Variants in CDK18 observed in about 807,000 individuals in gnomAD.
CDK18 encodes cyclin-dependent kinase 18.
A neutral mutation model predicts 62.0 loss-of-function variants in CDK18; 52 were observed. The ratio of observed to expected loss-of-function variants is 0.84; its 90% CI spans 0.67 to 1.06. The LOEUF is 1.06. Ranked by LOEUF, CDK18 falls within the 50% of genes least tolerant of loss-of-function variation. The probability of loss-of-function intolerance (pLI) is 0.00; values close to 1 mark genes in which losing one functional copy is unlikely to be tolerated. For missense variants in CDK18, 604 were observed against 619.9 expected (o/e 0.97, Z 0.27); for synonymous variants, 237 against 247.0 (o/e 0.96, Z 0.38).
At chr1:205,518,992 AC>A (rs1206636417) in intron 1 of CDK18, among the ~76,000 whole-genome samples, 1 of 151,760 alleles carries the variant, frequency 6.6e-6, no homozygotes, top group South Asian at 2.1e-4. Flanking sequence ...AACTTCCTCC[AC>A]CCCCCACTGC....
intron 6 of CDK18, 50 bp from the exon 7 acceptor site, chr1:205,526,317 A>ATGGGGACACATGGGGTCC (rs1652281367): frequency 6.7e-7 from 1 of 1,493,080 alleles, no homozygotes; most frequent in Non-Finnish European, 9.3e-7. Flanking sequence ...AAAAGAGGGT[A>ATGGGGACACATGGGGTCC]TGGGGACACA....
intron 1 of CDK18, among the ~76,000 whole-genome samples, chr1:205,519,430 T>G (rs1668001594): frequency 6.6e-6 from 1 of 152,052 alleles, no homozygotes; most frequent in Non-Finnish European, 1.5e-5. Context: ...CCTGTCACCA[T>G]CAGGAAGTCC....
rs1052457330 is a variant in CDK18, at chr1:205,517,555, C to G, written c.-21-5592C>G. On this transcript the variant is annotated intron_variant, in intron 1 of 15. Coordinates refer to ENST00000429964, the MANE Select transcript of CDK18 (RefSeq NM_212502.3). The surrounding 1 kb of genome is among the most constrained non-coding windows in gnomAD (Gnocchi z 4.1). The stretch of plus-strand genomic sequence containing the variant: ...GCCCAACATCCAACTCCTGGTCTTC[C>G]CACTGAAACCACTACTCCCAGAATG... 3.9e-5 allele frequency among the ~76,000 whole-genome samples: 6 copies of G among 152,070 alleles called. No individual in the cohort carries two copies. The highest frequency in any genetic ancestry group is 1.4e-4 in the African/African-American group (6 of 41,394).
At chr1:205,525,419 T>C (rs1668375734) in intron 5 of CDK18, among the ~76,000 whole-genome samples, 1 of 152,122 alleles carries the variant, frequency 6.6e-6, no homozygotes, top group South Asian at 2.1e-4. Flanking sequence ...AGAGTAGCCA[T>C]GGCCCTGGGC....
intron 4 of CDK18, 63 bp from the exon 5 acceptor site, chr1:205,525,076 C>T (rs577303024): frequency 7.2e-6 from 8 of 1,104,168 alleles, no homozygotes; most frequent in East Asian, 4.8e-5. Flanking sequence ...TTGGGGGAGG[C>T]GTCATGTCTG....
chr1:205,528,310 A>C lies in CDK18; in HGVS notation c.974+142A>C. 1 of 1,001,990 alleles carries C rather than the reference A, an allele frequency of 1.0e-6. No homozygotes were observed. The highest frequency in any genetic ancestry group is 1.5e-6 in the Non-Finnish European group (1 of 685,420). 62.1% of individuals were successfully genotyped at this position (1,001,990 alleles called of 1,614,324 possible). On this transcript the variant is annotated intron_variant, in intron 10 of 15. Coordinates refer to ENST00000429964, the MANE Select transcript of CDK18 (RefSeq NM_212502.3). This position sits in a 1 kb window ranked among gnomAD's most constrained non-coding sequence, Gnocchi z 4.2. ...GCCTTGTGACATCCTGCTGAAATGG[A>C]TGTTAAAAAATTAGGTCTGAAATAT...
At position 205,527,573 on chromosome 1, in the gene CDK18, C is replaced by T. The variant is rs369839094; in HGVS notation, c.730-221C>T. 17 of 529,318 alleles carry T rather than the reference C, an allele frequency of 3.2e-5. 1 individual carries two copies. The highest frequency in any genetic ancestry group is 9.8e-4 in the Middle Eastern group (2 of 2,032). 32.8% of individuals were successfully genotyped at this position (529,318 alleles called of 1,614,324 possible). Reference sequence around the variant, plus strand: ...TGCTCCTGACTGAGACTTCGCTGGCCTCCCCCACACTCACTGCGTCCTCTG... The same window carrying T: ...TGCTCCTGACTGAGACTTCGCTGGCTTCCCCCACACTCACTGCGTCCTCTG... On this transcript the variant is annotated intron_variant, in intron 8 of 15. Transcript: ENST00000429964. The surrounding 1 kb of genome is among the most constrained non-coding windows in gnomAD (Gnocchi z 4.1).
chr1:205,505,793 TTC>T (rs1667277314), intron 1 of CDK18, among the ~76,000 whole-genome samples: 1 of 151,932 alleles, frequency 6.6e-6, no homozygotes, highest in African/African-American at 2.4e-5. Context: ...CCTCTCTTCA[TTC>T]TCTCTGGGCA....
chr1:205,526,314 G>A, intron 6 of CDK18, 53 bp from the exon 7 acceptor site: 2 of 1,503,904 alleles, frequency 1.3e-6, no homozygotes, highest in Non-Finnish European at 1.9e-6. Flanking sequence ...AAGAAAAGAG[G>A]GTATGGGGAC....
intron 3 of CDK18, 124 bp downstream of exon 3, chr1:205,523,749 C>T (rs1395511859): frequency 1.6e-6 from 2 of 1,281,326 alleles, no homozygotes; most frequent in East Asian, 2.6e-5. Flanking sequence ...CATTCATTAG[C>T]TCTGTGACTT....
At chr1:205,518,913 G>A (rs1322552112) in intron 1 of CDK18, among the ~76,000 whole-genome samples, 1 of 152,204 alleles carries the variant, frequency 6.6e-6, no homozygotes, top group African/African-American at 2.4e-5. Context: ...TGGGCAGGGA[G>A]GTGGGAGGGG....
At chr1:205,520,606 A>G (rs1668069050) in intron 1 of CDK18, among the ~76,000 whole-genome samples, 1 of 151,828 alleles carries the variant, frequency 6.6e-6, no homozygotes, top group African/African-American at 2.4e-5. Context: ...AGGCTGAGGC[A>G]TGAGAATCGC....
In CDK18 at chr1:205,530,275, G is replaced by A. The variant is rs780876317; in HGVS notation, c.1238G>A (p.Arg413His). 1.4e-5 allele frequency: 22 copies of A among 1,612,770 alleles called. No individual in the cohort carries two copies. The highest frequency in any genetic ancestry group is 5.0e-5 in the Admixed American group (3 of 60,014). ...SSLLLYESKS[R>H]MSAEAALSHS... ...GCCTTTCAGTATGAATCCAAGAGTC[G>A]CATGTCAGCAGAGGCTGCCCTGAGT... is the stretch of plus-strand genomic sequence containing the variant. The change falls in exon 14 of 16, where the codon CGC becomes CAC. Residue 413 changes from arginine to histidine, a missense_variant. By Grantham distance (29) the Arg-to-His change is conservative (BLOSUM62 0). Coordinates refer to ENST00000429964, the MANE Select transcript of CDK18 (RefSeq NM_212502.3).
In CDK18 at chr1:205,527,836, C is replaced by G. The variant is rs1238769764; in HGVS notation, c.772C>G (p.His258Asp). ...GCTCCGGGGCCTCGCCTACTGTCACCACCGCAAGATCCTGCACCGGGACCT... is the reference window on the plus strand; with the variant it reads ...GCTCCGGGGCCTCGCCTACTGTCACGACCGCAAGATCCTGCACCGGGACCT... ...QLLRGLAYCHHRKILHRDLKP... is the reference protein window; with the variant it reads ...QLLRGLAYCHDRKILHRDLKP... The change falls in exon 9 of 16, where the codon CAC becomes GAC. Residue 258 changes from histidine to aspartate, a missense_variant. Coordinates refer to ENST00000429964, the MANE Select transcript of CDK18 (RefSeq NM_212502.3). This position sits in a 1 kb window ranked among gnomAD's most constrained non-coding sequence, Gnocchi z 4.1. 2 of 1,614,062 alleles carry G rather than the reference C, an allele frequency of 1.2e-6. No individual in the cohort carries two copies. Among genetic ancestry groups the G allele is most frequent in the Non-Finnish European group, 1.7e-6 (2 of 1,179,958 alleles).
Position 205,528,040 on chromosome 1 carries a change from G to A in CDK18, c.854-8G>A, listed in dbSNP as rs1223439776. 1 of 1,614,128 alleles carries A rather than the reference G, an allele frequency of 6.2e-7. No homozygotes were observed. Among genetic ancestry groups the A allele is most frequent in the Admixed American group, 1.7e-5 (1 of 60,020 alleles). On this transcript the variant is annotated splice_region_variant and splice_polypyrimidine_tract_variant and intron_variant, in intron 9 of 15. Transcript: ENST00000429964. The surrounding 1 kb of genome is among the most constrained non-coding windows in gnomAD (Gnocchi z 4.2). ...TGGACAGAGGTCCAGTGACATGTCT[G>A]CCCCCAGGACTGGCCAGGGCCAAGT...
Position 205,529,535 on chromosome 1 carries a change from G to T in CDK18, c.1193G>T (p.Gly398Val). Residue 398 changes from glycine to valine, a missense_variant, in exon 13 of 16, where the codon GGC becomes GTC. Transcript: ENST00000429964. The part of the protein sequence containing the change: ...INHAPRLDTD[G>V]IHLLSSLLLY... Reference sequence around the variant, plus strand: ...TCTCCTTGCAGGTTGGATACGGATGGCATCCACCTCCTGAGCAGCCTGCTC... The same window carrying T: ...TCTCCTTGCAGGTTGGATACGGATGTCATCCACCTCCTGAGCAGCCTGCTC... 2 of 1,612,156 alleles carry T rather than the reference G, an allele frequency of 1.2e-6. No homozygotes were observed. The highest frequency in any genetic ancestry group is 1.7e-6 in the Non-Finnish European group (2 of 1,178,926).
At chr1:205,511,802 C>T (rs1667576195) in intron 1 of CDK18, among the ~76,000 whole-genome samples, 3 of 152,204 alleles carry the variant, frequency 2.0e-5, no homozygotes, top group Admixed American at 1.3e-4. Context: ...ACCTATAATC[C>T]TAGCACTTTG....
chr1:205,522,902 G>A (rs957658268), intron 1 of CDK18: 3 of 481,522 alleles, frequency 6.2e-6, no homozygotes, highest in African/African-American at 3.9e-5. Flanking sequence ...AGGGCGTGGC[G>A]GGGCGGGCGG....
rs752138948 is a variant in CDK18 at position 205,526,360 on chromosome 1, C to G, written c.572-7C>G. 1 of 1,612,670 alleles carries G rather than the reference C, an allele frequency of 6.2e-7. No homozygotes were observed. The highest frequency in any genetic ancestry group is 1.7e-4 in the Middle Eastern group (1 of 6,058). On this transcript the variant is annotated splice_region_variant and splice_polypyrimidine_tract_variant and intron_variant, in intron 6 of 15. Transcript: ENST00000429964. ...CTAGGGACCCAGGTGGATCTGTCTC[C>G]TCACAGTGTCTCTGCTGAAGAACCT... is the stretch of plus-strand genomic sequence containing the variant.
Sources: allele counts gnomAD v4.1 joint callset (sites outside exome capture counted in the v4.1 genomes callset), GRCh38; gene constraint gnomAD v4.1.1; non-coding constraint Gnocchi (gnomAD v3.1); transcripts MANE v1.5; gene names NCBI Gene and HGNC (gene_info 2026-07-23, HGNC 2026-07-21).